The following NECAP1 variants were observed in gnomAD, a reference collection of about 807,000 sequenced individuals.
NECAP1 encodes the protein NECAP endocytosis associated 1, also known as adaptin ear-binding coat-associated protein 1.
NECAP1 carries 13 observed loss-of-function variants against 33.4 expected under a neutral mutation model. That is an observed-to-expected ratio of 0.39 (90% confidence interval 0.25 to 0.62). The LOEUF (loss-of-function observed/expected upper bound fraction) is 0.62. NECAP1 is among the 20% of genes least tolerant of loss of function. The pLI, the probability that NECAP1 is intolerant of heterozygous loss-of-function variation, is 0.52. For missense variants in NECAP1, 272 were observed against 347.4 expected (o/e 0.78, Z 1.73); for synonymous variants, 109 against 125.2 (o/e 0.87, Z 0.86).
intron 6 of NECAP1, 92 bp downstream of exon 6, chr12:8,093,147 G>GCAA: frequency 2.3e-6 from 3 of 1,289,738 alleles, no homozygotes; most frequent in Non-Finnish European, 3.3e-6. Context: ...TTTTTGCTAT[G>GCAA]AAATAGCTCA....
At chr12:8,095,758 C>A in intron 7 of NECAP1, 55 bp downstream of exon 7, 1 of 1,497,018 alleles carries the variant, frequency 6.7e-7, no homozygotes, top group Non-Finnish European at 9.3e-7. Context: ...GAGATATGTA[C>A]AGTCAATTGA....
intron 1 of NECAP1, 101 bp downstream of exon 1, chr12:8,082,484 ATT>A (rs1172110368): frequency 9.4e-7 from 1 of 1,062,300 alleles, no homozygotes; most frequent in East Asian, 2.6e-5. Flanking sequence ...CTACCTCTGT[ATT>A]GTCACCTTGC....
chr12:8,088,235 C>G (rs1172576626), intron 1 of NECAP1, among the ~76,000 whole-genome samples: 2 of 152,164 alleles, frequency 1.3e-5, no homozygotes, highest in Non-Finnish European at 2.9e-5. Context: ...TTACTGCCTA[C>G]TCTACATCTC....
chr12:8,092,624 G>A, intron 4 of NECAP1, 52 bp from the exon 5 acceptor site: 7 of 1,393,200 alleles, frequency 5.0e-6, no homozygotes, highest in Non-Finnish European at 7.0e-6. Flanking sequence ...TTGTATGTCA[G>A]ACTCTGCTTT....
At chr12:8,085,665 A>G (rs755192327) in intron 1 of NECAP1, among the ~76,000 whole-genome samples, 2 of 142,772 alleles carry the variant, frequency 1.4e-5, no homozygotes, top group South Asian at 4.6e-4. Flanking sequence ...CTTACCTTGT[A>G]GGATCCTCTC....
chr12:8,082,772 TCTCACACACACA>T lies in NECAP1; in HGVS notation c.95+391_95+402del, dbSNP rs1947452783. The T allele has an allele frequency of 4.4e-5, 5 of 114,886 alleles. No homozygotes were observed. The South Asian group carries it at 5.0e-4, about 11-fold the overall frequency. 7.1% of individuals were successfully genotyped at this position (114,886 alleles called of 1,614,324 possible). A position where few individuals can be genotyped will look rare whatever the true frequency, so the allele number is the denominator to read the frequency against. Reference sequence around the variant, plus strand: ...TCCTCATCCTTTCTCTCTCTCTCTCTCTCACACACACACACACACACACACACACACACACAC... The same window carrying T: ...TCCTCATCCTTTCTCTCTCTCTCTCTCACACACACACACACACACACACAC... On this transcript the variant is annotated intron_variant, in intron 1 of 7. Coordinates refer to ENST00000339754, the MANE Select transcript of NECAP1 (RefSeq NM_015509.4).
rs768984374 is a variant in NECAP1 at position 8,097,793 on chromosome 12, CTTAT to C, written c.*1706_*1709del. The C allele has an allele frequency of 2.1e-4, 32 of 152,574 alleles. No homozygotes were observed. In the South Asian group the frequency reaches 3.1e-3, roughly 15 times the overall value. 9.5% of individuals were successfully genotyped at this position (152,574 alleles called of 1,614,324 possible). The stretch of plus-strand genomic sequence containing the variant: ...AGTGTCTCTTTTATCTTTTAATTTG[CTTAT>C]TTGATTACCTTTTAAATTTAATTGA... On this transcript the variant is annotated 3_prime_UTR_variant, in exon 8 of 8. Transcript: ENST00000339754.
At chr12:8,083,698 G>C (rs189681714) in intron 1 of NECAP1, among the ~76,000 whole-genome samples, 1 of 149,492 alleles carries the variant, frequency 6.7e-6, no homozygotes, top group African/African-American at 2.5e-5. Flanking sequence ...ATAGTACTGG[G>C]ATTACAGGCG....
intron 1 of NECAP1, among the ~76,000 whole-genome samples, chr12:8,085,957 A>G (rs1180719333): frequency 1.1e-4 from 16 of 152,004 alleles, no homozygotes; most frequent in African/African-American, 2.7e-4. Context: ...CACCCACCTC[A>G]ACCTCCCAAA....
intron 1 of NECAP1, among the ~76,000 whole-genome samples, chr12:8,083,702 A>G (rs1176470277): frequency 1.4e-5 from 2 of 147,502 alleles, no homozygotes; most frequent in Non-Finnish European, 3.0e-5. Context: ...TACTGGGATT[A>G]CAGGCGTGAC....
In NECAP1 at chr12:8,096,184, C is replaced by G; in HGVS notation, c.*94C>G. On this transcript the variant is annotated 3_prime_UTR_variant, in exon 8 of 8. Coordinates refer to ENST00000339754, the MANE Select transcript of NECAP1 (RefSeq NM_015509.4). ...GGGAAGTTAGGAACCCATTTCCTCCCCAGAACCAGAATGACTGGACAATCT... is the reference window on the plus strand; with the variant it reads ...GGGAAGTTAGGAACCCATTTCCTCCGCAGAACCAGAATGACTGGACAATCT... The G allele has an allele frequency of 7.9e-7, 1 of 1,263,974 alleles. No individual in the cohort carries two copies. The highest frequency in any genetic ancestry group is 1.3e-5 in the South Asian group (1 of 78,008). The allele number at this position is 1,263,974 out of a possible 1,614,324, so 78.3% of individuals were successfully genotyped here.
chr12:8,083,410 ATTTG>A (rs1947459851), intron 1 of NECAP1, among the ~76,000 whole-genome samples: 1 of 122,706 alleles, frequency 8.1e-6, no homozygotes, highest in Admixed American at 8.2e-5. Flanking sequence ...TACAAATACT[ATTTG>A]TTTGTTCTTT....
chr12:8,087,547 A>C (rs1029865790), intron 1 of NECAP1, among the ~76,000 whole-genome samples: 3 of 148,364 alleles, frequency 2.0e-5, no homozygotes, highest in Admixed American at 1.4e-4. Context: ...TTTTAGAGAC[A>C]GGGTCTCACC....
At position 8,088,263 on chromosome 12, in the gene NECAP1, A is replaced by C. The variant is rs115714935; in HGVS notation, c.96-1673A>C. Among the ~76,000 whole-genome samples the C allele has an allele frequency of 4.6e-3, 703 of 152,270 alleles. 5 individuals carry two copies. Among genetic ancestry groups the C allele is most frequent in the African/African-American group, 0.016 (662 of 41,550 alleles). On this transcript the variant is annotated intron_variant, in intron 1 of 7. Transcript: ENST00000339754. ...TACATCTCTTGAAAATCTACTAGAC[A>C]TCTCAAACTCAGCATATTTAAAACT...
chr12:8,091,719 T>C (rs1591596431), intron 3 of NECAP1, 50 bp from the exon 4 acceptor site: 1 of 1,562,682 alleles, frequency 6.4e-7, no homozygotes, highest in Non-Finnish European at 8.8e-7. Context: ...GGTTGGGGGC[T>C]CCTGCCATAG....
At position 8,092,491 on chromosome 12, in the gene NECAP1, C is replaced by T. The variant is rs768086066; in HGVS notation, c.384-185C>T. ...TATTCCGTGAGATTTCTCAGAGAGT[C>T]CCCAGTGGAATTGAACCCCAGTTGT... On this transcript the variant is annotated intron_variant, in intron 4 of 7. Coordinates refer to ENST00000339754, the MANE Select transcript of NECAP1 (RefSeq NM_015509.4). 2.1e-4 allele frequency: 118 copies of T among 558,066 alleles called. 3 individuals carry two copies. The South Asian group carries it at 2.7e-3, about 13-fold the overall frequency. The allele number at this position is 558,066 out of a possible 1,614,324, so 34.6% of individuals were successfully genotyped here. A position where few individuals can be genotyped will look rare whatever the true frequency, so the allele number is the denominator to read the frequency against.
chr12:8,095,982 A>G, intron 7 of NECAP1, 60 bp from the exon 8 acceptor site: 1 of 1,584,140 alleles, frequency 6.3e-7, no homozygotes, highest in Non-Finnish European at 8.6e-7. Flanking sequence ...TATTAAGTAA[A>G]GAATGGAGTT....
chr12:8,092,902 A>G lies in NECAP1; in HGVS notation c.523A>G (p.Lys175Glu), dbSNP rs925632628. 1 of 1,574,876 alleles carries G rather than the reference A, an allele frequency of 6.3e-7. No homozygotes were observed. The highest frequency in any genetic ancestry group is 8.6e-7 in the Non-Finnish European group (1 of 1,162,166). Residue 175 changes from lysine to glutamate, a missense_variant, in exon 6 of 8, where the codon AAG becomes GAG. Lys to Glu is a moderately conservative substitution (Grantham distance 56, BLOSUM62 1). Coordinates refer to ENST00000339754, the MANE Select transcript of NECAP1 (RefSeq NM_015509.4). ...TACAAACAAGAAAGGAGGTGCTTCT[A>G]AGCCCAGGACTGCAAGGGGTGGGGG... ...NITNKKGGASKPRTARGGGLS... is the reference protein window; with the variant it reads ...NITNKKGGASEPRTARGGGLS...
chr12:8,083,791 T>C (rs1319088914), intron 1 of NECAP1, among the ~76,000 whole-genome samples: 1 of 140,008 alleles, frequency 7.1e-6, no homozygotes, highest in East Asian at 2.2e-4. Flanking sequence ...CAGGCTGGAG[T>C]GCAAGTGGTG....
Sources: gnomAD v4.1 joint callset for allele counts (sites outside exome capture counted in the v4.1 genomes callset) on GRCh38, gnomAD v4.1.1 for gene constraint, MANE v1.5 for transcripts, NCBI Gene and HGNC (gene_info 2026-07-23, HGNC 2026-07-21) for gene names.